The following CDH9 variants were observed in gnomAD, a reference collection of about 807,000 sequenced individuals.
CDH9 encodes the protein cadherin-9.
In CDH9, 28 loss-of-function variants were observed where a neutral mutation model predicts 70.9. The ratio of observed to expected loss-of-function variants is 0.40; its 90% CI spans 0.29 to 0.54. CDH9 has a LOEUF of 0.54. Among genes scored for constraint, CDH9 ranks in the 20% least tolerant of loss-of-function variants. The probability of loss-of-function intolerance (pLI) is 0.59; values close to 1 mark genes in which losing one functional copy is unlikely to be tolerated. For missense variants in CDH9, 874 were observed against 984.4 expected, an observed-to-expected ratio of 0.89 and a Z score of 1.50; for synonymous variants, 409 against 343.1, an observed-to-expected ratio of 1.19 and a Z score of -2.12.
chr5:27,008,267 A>G (rs1742901107), intron 1 of CDH9, among the ~76,000 whole-genome samples: 1 of 152,038 alleles, frequency 6.6e-6, no homozygotes, highest in East Asian at 1.9e-4. Context: ...AGGCGGGTGG[A>G]TCACTTGAGG....
intron 7 of CDH9, among the ~76,000 whole-genome samples, chr5:26,893,852 C>T (rs896708837): frequency 6.6e-6 from 1 of 151,990 alleles, no homozygotes; most frequent in African/African-American, 2.4e-5. Flanking sequence ...ACCTCTATTT[C>T]CAGTTGTGCT....
At chr5:26,986,680 T>C (rs1032281389) in intron 2 of CDH9, among the ~76,000 whole-genome samples, 10 of 152,158 alleles carry the variant, frequency 6.6e-5, no homozygotes, top group African/African-American at 1.7e-4. Context: ...GACCTCAATG[T>C]GTCCTTTATA....
At chr5:26,933,968 G>A (rs1268220730) in intron 2 of CDH9, among the ~76,000 whole-genome samples, 1 of 151,550 alleles carries the variant, frequency 6.6e-6, no homozygotes, top group African/African-American at 2.4e-5. Context: ...AATTTATAAA[G>A]AAAAGTGGTT....
At chr5:27,004,274 G>A (rs2112108899) in intron 1 of CDH9, among the ~76,000 whole-genome samples, 1 of 152,164 alleles carries the variant, frequency 6.6e-6, no homozygotes, top group East Asian at 1.9e-4. Context: ...GAGAAAGGAT[G>A]TTTAGGACAG....
At chr5:27,016,925 G>A (rs928260533) in intron 1 of CDH9, among the ~76,000 whole-genome samples, 64 of 151,744 alleles carry the variant, frequency 4.2e-4, no homozygotes, top group African/African-American at 1.4e-3. Context: ...TCTGAAATCC[G>A]GAGTGTTAAC....
At chr5:26,966,369 C>T (rs529662162) in intron 2 of CDH9, among the ~76,000 whole-genome samples, 18 of 152,302 alleles carry the variant, frequency 1.2e-4, no homozygotes, top group Middle Eastern at 3.4e-3. Flanking sequence ...TTGCAAATCT[C>T]GGCCTCAACA....
intron 2 of CDH9, among the ~76,000 whole-genome samples, chr5:26,968,605 C>T (rs201319627): frequency 1.6e-4 from 24 of 151,810 alleles, no homozygotes; most frequent in East Asian, 3.9e-4. Context: ...AATGGCAAGC[C>T]AAATGGGTGG....
chr5:26,976,681 C>A (rs935103161), intron 2 of CDH9, among the ~76,000 whole-genome samples: 3 of 152,018 alleles, frequency 2.0e-5, no homozygotes, highest in Non-Finnish European at 4.4e-5. Context: ...CTCAAGTAGC[C>A]TTCTAATTTT....
intron 1 of CDH9, among the ~76,000 whole-genome samples, chr5:26,991,769 C>T: frequency 6.6e-6 from 1 of 151,996 alleles, no homozygotes; most frequent in Admixed American, 6.6e-5. Flanking sequence ...TATTTATGAA[C>T]TAGGTGGATG....
chr5:26,900,297 A>G (rs1740831205), intron 7 of CDH9, among the ~76,000 whole-genome samples: 1 of 152,100 alleles, frequency 6.6e-6, no homozygotes, highest in Admixed American at 6.6e-5. Flanking sequence ...AAACTCTTTC[A>G]GAAAATTAAA....
chr5:27,036,609 C>T (rs1365524661), intron 1 of CDH9, among the ~76,000 whole-genome samples: 3 of 151,680 alleles, frequency 2.0e-5, no homozygotes, highest in African/African-American at 7.3e-5. Context: ...TTAGTACTAC[C>T]AAATCTGTCT....
intron 1 of CDH9, among the ~76,000 whole-genome samples, chr5:27,020,609 AT>A (rs1338249272): frequency 2.6e-5 from 4 of 151,688 alleles, no homozygotes; most frequent in Admixed American, 6.6e-5. Context: ...TTAATTATAT[AT>A]TTTTTAAGAA....
chr5:27,023,776 G>A (rs1237170129), intron 1 of CDH9, among the ~76,000 whole-genome samples: 2 of 152,038 alleles, frequency 1.3e-5, no homozygotes, highest in Non-Finnish European at 2.9e-5. Context: ...TAAGGGCCAG[G>A]CATGGTGGCT....
Position 26,980,378 on chromosome 5 carries a change from C to T in CDH9, c.228+7728G>A, listed in dbSNP as rs561235238. ...TCACCTTCCTTGGAAATTCTGGCTACGAATTAGAATATTTACTGAGTAAAT... is the reference window on the plus strand; with the variant it reads ...TCACCTTCCTTGGAAATTCTGGCTATGAATTAGAATATTTACTGAGTAAAT... On this transcript the variant is annotated intron_variant, in intron 2 of 11. Transcript: ENST00000231021. 4.6e-5 allele frequency among the ~76,000 whole-genome samples: 7 copies of T among 151,854 alleles called. No homozygotes were observed. In the East Asian group the frequency reaches 5.8e-4, roughly 13 times the overall value.
chr5:26,985,964 C>T (rs752152391), intron 2 of CDH9, among the ~76,000 whole-genome samples: 2 of 151,726 alleles, frequency 1.3e-5, no homozygotes, highest in South Asian at 4.1e-4. Flanking sequence ...AGAGTAAATG[C>T]CCTTAATAAG....
At chr5:26,930,699 C>A (rs934832833) in intron 2 of CDH9, among the ~76,000 whole-genome samples, 1 of 152,052 alleles carries the variant, frequency 6.6e-6, no homozygotes, top group African/African-American at 2.4e-5. Context: ...TAACAAACAG[C>A]TCAACTCTTA....
intron 1 of CDH9, among the ~76,000 whole-genome samples, chr5:27,007,040 G>A (rs1017884875): frequency 2.0e-5 from 3 of 152,006 alleles, no homozygotes; most frequent in Non-Finnish European, 2.9e-5. Context: ...GATTTATATA[G>A]CAAGTTTTTA....
At chr5:26,958,441 G>A (rs886995427) in intron 2 of CDH9, among the ~76,000 whole-genome samples, 18 of 152,120 alleles carry the variant, frequency 1.2e-4, no homozygotes, top group African/African-American at 2.7e-4. Flanking sequence ...ATCTCTCTGC[G>A]TGCCTCCTGA....
intron 2 of CDH9, among the ~76,000 whole-genome samples, chr5:26,955,602 CTCT>C (rs1741933596): frequency 6.9e-6 from 1 of 144,372 alleles, no homozygotes; most frequent in South Asian, 2.1e-4. Flanking sequence ...CTCTCTCTCT[CTCT>C]GTGTGTGTTT....
Sources: allele counts gnomAD v4.1 joint callset (sites outside exome capture counted in the v4.1 genomes callset), GRCh38; gene constraint gnomAD v4.1.1; transcripts MANE v1.5; gene names NCBI Gene and HGNC (gene_info 2026-07-23, HGNC 2026-07-21).